Variants in ALLC observed in about 807,000 individuals in gnomAD.
ALLC encodes the protein allantoicase.
ALLC carries 40 observed loss-of-function variants against 45.0 expected under a neutral mutation model. That is an observed-to-expected ratio of 0.89 (90% confidence interval 0.69 to 1.16). The LOEUF (loss-of-function observed/expected upper bound fraction) is 1.16. Ranked by LOEUF, ALLC falls within the 50% of genes most tolerant of loss-of-function variation. ALLC has a pLI of 0.00. For missense variants in ALLC, 488 were observed against 493.1 expected, an observed-to-expected ratio of 0.99 and a Z score of 0.10; for synonymous variants, 176 against 178.1, an observed-to-expected ratio of 0.99 and a Z score of 0.09.
At chr2:3,660,114 C>A (rs1315002594) in intron 1 of ALLC, among the ~76,000 whole-genome samples, 4 of 152,176 alleles carry the variant, frequency 2.6e-5, no homozygotes, top group Admixed American at 2.6e-4. Context: ...GTTATGGGGG[C>A]GGATCCCTCA....
Position 3,675,675 on chromosome 2 carries a change from A to G in ALLC, c.84+1550A>G, listed in dbSNP as rs538881253. 1.3e-4 allele frequency among the ~76,000 whole-genome samples: 20 copies of G among 152,288 alleles called. No homozygotes were observed. In the South Asian group the frequency reaches 3.9e-3, roughly 30 times the overall value. On this transcript the variant is annotated intron_variant, in intron 3 of 11. Coordinates refer to ENST00000252505, the MANE Select transcript of ALLC (RefSeq NM_018436.4). ...CACGCTATAACATCACACGAGACAC[A>G]TATATTTCTCCTTTTTGAAAAAAAT...
At chr2:3,685,960 C>G (rs1667326587) in intron 7 of ALLC, among the ~76,000 whole-genome samples, 1 of 150,546 alleles carries the variant, frequency 6.6e-6, no homozygotes, top group African/African-American at 2.4e-5. Context: ...TTGTTATTTC[C>G]TTTGACAGCA....
intron 3 of ALLC, among the ~76,000 whole-genome samples, chr2:3,675,317 G>T (rs1666994192): frequency 6.7e-6 from 1 of 149,766 alleles, no homozygotes; most frequent in African/African-American, 2.5e-5. Context: ...TTGAGCCCAA[G>T]ACGTTGAGGT....
chr2:3,672,755 C>T (rs535031072), intron 2 of ALLC, among the ~76,000 whole-genome samples: 2 of 152,138 alleles, frequency 1.3e-5, no homozygotes, highest in Non-Finnish European at 2.9e-5. Flanking sequence ...ATAGGAGGTC[C>T]TCTGGCTCTG....
chr2:3,676,935 C>G lies in ALLC; in HGVS notation c.85-1533C>G, dbSNP rs1246952877. On this transcript the variant is annotated intron_variant, in intron 3 of 11. Transcript: ENST00000252505. ...CCCAAGTAGCTGGGACTACAGGCAC[C>G]CGCCACCACGCCCAGCTAATTTTTG... Among the ~76,000 whole-genome samples the G allele has an allele frequency of 3.3e-5, 5 of 151,910 alleles. No homozygotes were observed. In the East Asian group the frequency reaches 9.7e-4, roughly 29 times the overall value.
At chr2:3,691,042 A>G (rs145107619) in intron 7 of ALLC, among the ~76,000 whole-genome samples, 1 of 151,016 alleles carries the variant, frequency 6.6e-6, no homozygotes, top group East Asian at 1.9e-4. Flanking sequence ...TCCAGGAAAG[A>G]TTTTCTCTCT....
chr2:3,645,903 G>T, the ALLC span, among the ~76,000 whole-genome samples: 3 of 152,198 alleles, frequency 2.0e-5, no homozygotes, highest in South Asian at 6.2e-4. The surrounding 1 kb of genome is among the most constrained non-coding windows in gnomAD (Gnocchi z 4.3). Context: ...GCTCCCAGGG[G>T]TGGGTGTATT....
At chr2:3,682,415 T>G (rs546875312) in intron 6 of ALLC, among the ~76,000 whole-genome samples, 1 of 152,248 alleles carries the variant, frequency 6.6e-6, no homozygotes, top group African/African-American at 2.4e-5. Context: ...ACTGGCTGTT[T>G]TGATCAGTGA....
At chr2:3,693,211 C>T (rs1449952527) in intron 7 of ALLC, among the ~76,000 whole-genome samples, 1 of 152,170 alleles carries the variant, frequency 6.6e-6, no homozygotes, top group African/African-American at 2.4e-5. Context: ...TCCCTCAACC[C>T]CCCTAAATTT....
At chr2:3,650,060 C>T in the ALLC span, among the ~76,000 whole-genome samples, 1 of 152,264 alleles carries the variant, frequency 6.6e-6, no homozygotes, top group African/African-American at 2.4e-5. Flanking sequence ...ACGGAGCCGT[C>T]ATCTGTGGGT....
intron 1 of ALLC, among the ~76,000 whole-genome samples, chr2:3,668,130 C>T (rs1020453134): frequency 9.9e-5 from 15 of 152,016 alleles, no homozygotes; most frequent in African/African-American, 3.1e-4. Flanking sequence ...AAGATGGGCC[C>T]GGATAAGGGG....
intron 7 of ALLC, among the ~76,000 whole-genome samples, chr2:3,687,825 T>G (rs984636304): frequency 2.0e-5 from 3 of 150,958 alleles, no homozygotes; most frequent in African/African-American, 7.3e-5. Flanking sequence ...TGTGACAGGA[T>G]GTGGCTCCCT....
At chr2:3,651,991 A>C in the ALLC span, among the ~76,000 whole-genome samples, 1 of 152,202 alleles carries the variant, frequency 6.6e-6, no homozygotes, top group African/African-American at 2.4e-5. Context: ...GGCTCAGCTC[A>C]GCAGTTCGGA....
At position 3,671,188 on chromosome 2, in the gene ALLC, A is replaced by AAAGT; in HGVS notation, c.33+3_33+6dup. Reference sequence around the variant, plus strand: ...CATGGCATCTGAATCCGTAGGAGGAAAAGTAAGTGGGTCTCTCATGGCCAA... The same window carrying AAAGT: ...CATGGCATCTGAATCCGTAGGAGGAAAAGTAAGTAAGTGGGTCTCTCATGGCCAA... On this transcript the variant is annotated frameshift_variant and splice_region_variant, in exon 2 of 12. Coordinates refer to ENST00000252505, the MANE Select transcript of ALLC (RefSeq NM_018436.4). LOFTEE classifies it high-confidence loss of function. 1.2e-6 allele frequency: 2 copies of AAAGT among 1,610,894 alleles called. No homozygotes were observed. The highest frequency in any genetic ancestry group is 3.4e-5 in the Admixed American group (2 of 59,642).
chr2:3,697,275 C>A, intron 9 of ALLC, 73 bp from the exon 10 acceptor site: 1 of 1,099,646 alleles, frequency 9.1e-7, no homozygotes, highest in Non-Finnish European at 1.4e-6. Context: ...CCTTTTTCAC[C>A]TGTTGGTTTT....
intron 7 of ALLC, among the ~76,000 whole-genome samples, chr2:3,684,058 T>A (rs1220091201): frequency 6.6e-6 from 1 of 152,260 alleles, no homozygotes; most frequent in African/African-American, 2.4e-5. Context: ...TAAACATTTG[T>A]GTACAAGATT....
chr2:3,675,765 C>T (rs1667009820), intron 3 of ALLC, among the ~76,000 whole-genome samples: 1 of 152,258 alleles, frequency 6.6e-6, no homozygotes, highest in South Asian at 2.1e-4. Context: ...CACGCCCTCC[C>T]TTTCCACCAT....
upstream of ALLC, among the ~76,000 whole-genome samples, chr2:3,657,867 G>A (rs746139972): frequency 1.4e-4 from 22 of 152,264 alleles, no homozygotes; most frequent in Non-Finnish European, 2.4e-4. Flanking sequence ...ACTGCTGGGT[G>A]TGCTCAGTGT....
intron 7 of ALLC, among the ~76,000 whole-genome samples, chr2:3,685,582 A>C (rs1223221494): frequency 6.6e-6 from 1 of 150,534 alleles, no homozygotes; most frequent in Admixed American, 6.6e-5. Flanking sequence ...TCATCCAATC[A>C]CCTCTAAGCA....
Sources: gnomAD v4.1 joint callset for allele counts (sites outside exome capture counted in the v4.1 genomes callset) on GRCh38, gnomAD v4.1.1 for gene constraint, Gnocchi (gnomAD v3.1) non-coding constraint, MANE v1.5 for transcripts, NCBI Gene and HGNC (gene_info 2026-07-23, HGNC 2026-07-21) for gene names.